The following ZNF197 variants were observed in gnomAD, a reference collection of about 807,000 sequenced individuals.
The protein encoded by ZNF197 is VHL-associated KRAB-A domain-containing protein.
ZNF197 carries 14 observed loss-of-function variants against 27.4 expected under a neutral mutation model. That is an observed-to-expected ratio of 0.51 (90% CI 0.34 to 0.80). ZNF197 has a LOEUF of 0.80. Ranked by LOEUF, ZNF197 falls within the 30% of genes least tolerant of loss-of-function variation. The probability of loss-of-function intolerance (pLI) is 0.02; values close to 1 mark genes in which losing one functional copy is unlikely to be tolerated. For missense variants in ZNF197, 1,090 were observed against 1,222.6 expected (o/e 0.89, Z 1.62); for synonymous variants, 415 against 420.0 (o/e 0.99, Z 0.15).
intron 2 of ZNF197, among the ~76,000 whole-genome samples, chr3:44,630,504 G>A (rs1051829356): frequency 3.3e-5 from 5 of 152,100 alleles, no homozygotes; most frequent in Admixed American, 3.3e-4. Context: ...GGATGGGCTT[G>A]TTTCTTTTAA....
At position 44,632,138 on chromosome 3, in the gene ZNF197, A is replaced by C; in HGVS notation, c.584A>C (p.Gln195Pro). Residue 195 changes from glutamine to proline, a missense_variant, in exon 4 of 6, where the codon CAG becomes CCG. By Grantham distance (76) the Gln-to-Pro change is moderately conservative. Transcript: ENST00000344387. ...GCCCCTGAAGCTTCTGCCCTTTCCC[A>C]GGAAGAGAACCCAAGAAATCAATTA... is the stretch of plus-strand genomic sequence containing the variant. Reference protein sequence around the residue: ...SPAPEASALSQEENPRNQLMA... With the variant: ...SPAPEASALSPEENPRNQLMA... 6.2e-7 allele frequency: 1 copy of C among 1,614,084 alleles called. No individual in the cohort carries two copies. The highest frequency in any genetic ancestry group is 1.1e-5 in the South Asian group (1 of 91,080).
intron 1 of ZNF197, among the ~76,000 whole-genome samples, chr3:44,627,631 G>A (rs1363644544): frequency 1.3e-5 from 2 of 151,954 alleles, no homozygotes; most frequent in East Asian, 3.9e-4. Context: ...AAGAGATTGA[G>A]ACCATCCTGG....
At chr3:44,632,385 C>A in intron 4 of ZNF197, 88 bp from the exon 5 acceptor site, 1 of 1,532,432 alleles carries the variant, frequency 6.5e-7, no homozygotes, top group Non-Finnish European at 8.8e-7. Flanking sequence ...CATGGCCTCA[C>A]AGTGTATCCC....
intron 5 of ZNF197, among the ~76,000 whole-genome samples, chr3:44,636,587 C>T (rs1215601368): frequency 6.6e-6 from 1 of 152,104 alleles, no homozygotes; most frequent in African/African-American, 2.4e-5. Context: ...GCCAAATATT[C>T]CATTGAATGG....
chr3:44,646,361 CT>C lies in ZNF197; in HGVS notation c.*2143del, dbSNP rs1230203112. ...CAATGGAGAATGCTGTGATTTACCT[CT>C]TCACCGAGTAACAAAATGTCACATT... On this transcript the variant is annotated 3_prime_UTR_variant, in exon 6 of 6. Coordinates refer to ENST00000344387, the MANE Select transcript of ZNF197 (RefSeq NM_006991.5). The C allele has an allele frequency of 2.0e-6, 3 of 1,536,896 alleles. No homozygotes were observed. Among genetic ancestry groups the C allele is most frequent in the East Asian group, 4.6e-5 (2 of 43,572 alleles).
chr3:44,629,040 C>T (rs1449050407), intron 1 of ZNF197, 34 bp from the exon 2 acceptor site: 3 of 1,471,216 alleles, frequency 2.0e-6, no homozygotes, highest in Non-Finnish European at 2.7e-6. Context: ...TTTCTCTGGG[C>T]TAACTTTAAC....
intron 5 of ZNF197, 90 bp from the exon 6 acceptor site, chr3:44,641,810 C>T: frequency 5.0e-6 from 7 of 1,410,090 alleles, no homozygotes; most frequent in Non-Finnish European, 6.5e-6. Context: ...TAAAGTGTGC[C>T]TTCCTAGAAT....
Position 44,642,781 on chromosome 3 carries a change from A to G in ZNF197, c.1651A>G (p.Thr551Ala), listed in dbSNP as rs754367895. ...DECGKTFAQT[T>A]YLIDHQRLHS... The stretch of plus-strand genomic sequence containing the variant: ...ATGTGGAAAGACCTTTGCTCAGACC[A>G]CTTATCTTATTGACCATCAGCGACT... Residue 551 changes from threonine (T) to alanine (A), a missense_variant, in exon 6 of 6, where the codon ACT becomes GCT. By Grantham distance (58) the Thr-to-Ala change is moderately conservative. Coordinates refer to ENST00000344387, the MANE Select transcript of ZNF197 (RefSeq NM_006991.5). The G allele has an allele frequency of 9.9e-6, 16 of 1,613,458 alleles. No homozygotes were observed. In the Admixed American group the frequency reaches 2.5e-4, roughly 25 times the overall value.
rs1702889275 is a variant in ZNF197, at chr3:44,645,251, A to G, written c.*1031A>G. On this transcript the variant is annotated 3_prime_UTR_variant, in exon 6 of 6. Coordinates refer to ENST00000344387, the MANE Select transcript of ZNF197 (RefSeq NM_006991.5). ...TTTGAAATCATTCAGTTGTCAATAA[A>G]GTTGGATAAAAGAGGTTATGGTAAA... is the stretch of plus-strand genomic sequence containing the variant. The G allele has an allele frequency of 1.0e-6, 1 of 985,308 alleles. No individual in the cohort carries two copies. The highest frequency in any genetic ancestry group is 1.2e-6 in the Non-Finnish European group (1 of 829,930). 61.0% of individuals were successfully genotyped at this position (985,308 alleles called of 1,614,324 possible).
intron 5 of ZNF197, among the ~76,000 whole-genome samples, chr3:44,641,588 C>A (rs1702603626): frequency 6.6e-6 from 1 of 152,208 alleles, no homozygotes; most frequent in African/African-American, 2.4e-5. Context: ...TAGATGTGAA[C>A]CACCTCCATA....
In ZNF197 at chr3:44,646,045, C is replaced by T. The variant is rs1285662786; in HGVS notation, c.*1825C>T. 1.0e-6 allele frequency: 1 copy of T among 985,038 alleles called. No homozygotes were observed. Among genetic ancestry groups the T allele is most frequent in the Non-Finnish European group, 1.2e-6 (1 of 829,912 alleles). 61.0% of individuals were successfully genotyped at this position (985,038 alleles called of 1,614,324 possible). A position where few individuals can be genotyped will look rare whatever the true frequency, so the allele number is the denominator to read the frequency against. On this transcript the variant is annotated 3_prime_UTR_variant, in exon 6 of 6. Coordinates refer to ENST00000344387, the MANE Select transcript of ZNF197 (RefSeq NM_006991.5). Reference sequence around the variant, plus strand: ...TATCATAAATGTTATTAATTCAACCCCACAGTTTCTTGGGGGCTGGTTCCT... The same window carrying T: ...TATCATAAATGTTATTAATTCAACCTCACAGTTTCTTGGGGGCTGGTTCCT...
intron 4 of ZNF197, 69 bp downstream of exon 4, chr3:44,632,265 CT>C: frequency 1.3e-6 from 2 of 1,572,778 alleles, no homozygotes; most frequent in South Asian, 2.2e-5. Flanking sequence ...CTCTCTCATC[CT>C]TGTGCTTCAA....
At chr3:44,625,314 CAGG>C (rs1247096920) in intron 1 of ZNF197, among the ~76,000 whole-genome samples, 171 bp downstream of exon 1, 1 of 152,210 alleles carries the variant, frequency 6.6e-6, no homozygotes, top group Non-Finnish European at 1.5e-5. Context: ...CTCGGCTGGG[CAGG>C]CAGCCGGCCC....
chr3:44,642,829 A>G lies in ZNF197; in HGVS notation c.1699A>G (p.Lys567Glu), dbSNP rs769851208. ...ACTCCACAGTGCAGAGAACCCTTAC[A>G]AGTGTAAAGAATGTGGAAAAGTTTT... Reference protein sequence around the residue: ...QRLHSAENPYKCKECGKVFIR... With the variant: ...QRLHSAENPYECKECGKVFIR... The change falls in exon 6 of 6, where the codon AAG becomes GAG. Residue 567 changes from lysine to glutamate, a missense_variant. Transcript: ENST00000344387. The G allele has an allele frequency of 3.1e-6, 5 of 1,614,088 alleles. No homozygotes were observed. In the South Asian group the frequency reaches 5.5e-5, roughly 18 times the overall value.
At chr3:44,627,720 G>T (rs1701753028) in intron 1 of ZNF197, among the ~76,000 whole-genome samples, 1 of 151,456 alleles carries the variant, frequency 6.6e-6, no homozygotes, top group Admixed American at 6.6e-5. Flanking sequence ...AGTACCAGCT[G>T]CCTGGAAAGC....
chr3:44,626,702 G>T (rs1375227256), intron 1 of ZNF197, among the ~76,000 whole-genome samples: 1 of 152,230 alleles, frequency 6.6e-6, no homozygotes, highest in Non-Finnish European at 1.5e-5. Flanking sequence ...GTGAGGAAAG[G>T]CACTCCCATA....
In ZNF197 at chr3:44,643,616, A is replaced by G; in HGVS notation, c.2486A>G (p.Tyr829Cys). 6.2e-7 allele frequency: 1 copy of G among 1,614,204 alleles called. No individual in the cohort carries two copies. The highest frequency in any genetic ancestry group is 8.5e-7 in the Non-Finnish European group (1 of 1,180,030). Residue 829 changes from tyrosine (Y) to cysteine (C), a missense_variant, in exon 6 of 6, where the codon TAC (tyrosine) becomes TGC (cysteine). Tyr to Cys is a radical substitution (Grantham distance 194, BLOSUM62 -2). Transcript: ENST00000344387. ...KCNDCGKVFS[Y>C]RSNLIAHQRI... ...AATGACTGTGGGAAGGTCTTCAGTT[A>G]CCGCTCAAACCTTATAGCCCATCAG...
chr3:44,629,696 G>T, intron 2 of ZNF197, 152 bp downstream of exon 2: 1 of 1,075,070 alleles, frequency 9.3e-7, no homozygotes, highest in East Asian at 2.8e-5. Flanking sequence ...AGGTCCATGA[G>T]TATTCAGACC....
rs1450640772 is a variant in ZNF197 at position 44,631,351 on chromosome 3, T to C, written c.550+130T>C. The C allele has an allele frequency of 1.1e-5, 12 of 1,125,802 alleles. No individual in the cohort carries two copies. In the Admixed American group the frequency reaches 2.0e-4, roughly 18 times the overall value. The allele number at this position is 1,125,802 out of a possible 1,614,324, so 69.7% of individuals were successfully genotyped here. ...TCTTACAGTGCCAATTTCTTTCTGC[T>C]GTTCTGTTGTTCTCTCCTTCTTTCT... On this transcript the variant is annotated intron_variant, in intron 3 of 5. Coordinates refer to ENST00000344387, the MANE Select transcript of ZNF197 (RefSeq NM_006991.5).
Sources: allele counts gnomAD v4.1 joint callset (sites outside exome capture counted in the v4.1 genomes callset), GRCh38; gene constraint gnomAD v4.1.1; transcripts MANE v1.5; gene names NCBI Gene and HGNC (gene_info 2026-07-23, HGNC 2026-07-21).